PKNOX2: variants seen among roughly 807,000 people sequenced by gnomAD.
The protein encoded by PKNOX2 is PBX/knotted 1 homeobox 2, also known as homeobox protein PKNOX2.
Under a neutral mutation model 53.1 loss-of-function variants are expected in PKNOX2, and 14 were observed. The observed-to-expected ratio is 0.26, with a 90% CI of 0.17 to 0.41. The LOEUF is 0.41. Ranked by LOEUF, PKNOX2 falls within the 10% of genes least tolerant of loss-of-function variation. The pLI is 1.00. For missense variants in PKNOX2, 496 were observed against 602.8 expected (o/e 0.82, Z 1.85); for synonymous variants, 257 against 242.8 (o/e 1.06, Z -0.54).
chr11:125,388,399 T>C (rs922131540), intron 6 of PKNOX2, among the ~76,000 whole-genome samples: 4 of 152,110 alleles, frequency 2.6e-5, no homozygotes, highest in African/African-American at 7.2e-5. Flanking sequence ...CGGACAGATA[T>C]ACTGCGCAGC....
At chr11:125,197,431 G>T (rs1341442603) in intron 1 of PKNOX2, among the ~76,000 whole-genome samples, 16 of 152,176 alleles carry the variant, frequency 1.1e-4, no homozygotes, top group Admixed American at 1.0e-3. Flanking sequence ...CCCCTACCCT[G>T]AGTGGGGATC....
intron 5 of PKNOX2, among the ~76,000 whole-genome samples, chr11:125,378,048 A>G (rs1023824757): frequency 6.6e-6 from 1 of 152,238 alleles, no homozygotes; most frequent in African/African-American, 2.4e-5. Context: ...CATCTGCGGT[A>G]AACAGATGCC....
intron 2 of PKNOX2, among the ~76,000 whole-genome samples, chr11:125,326,667 C>T (rs1200522207): frequency 6.6e-6 from 1 of 152,100 alleles, no homozygotes; most frequent in Non-Finnish European, 1.5e-5. Context: ...TGAGCCTTTC[C>T]CTGGGATGAC....
chr11:125,361,668 C>A (rs1248913231), intron 4 of PKNOX2, among the ~76,000 whole-genome samples: 2 of 152,172 alleles, frequency 1.3e-5, no homozygotes, highest in Non-Finnish European at 2.9e-5. Flanking sequence ...CCCATTAACT[C>A]ATCATTTACA....
chr11:125,169,775 G>C (rs1955146343), intron 1 of PKNOX2, among the ~76,000 whole-genome samples: 1 of 152,202 alleles, frequency 6.6e-6, no homozygotes, highest in Non-Finnish European at 1.5e-5. Context: ...CCTGGCTCCA[G>C]GGCCTTCCCC....
At chr11:125,430,677 A>C (rs540238711) in intron 12 of PKNOX2, among the ~76,000 whole-genome samples, 1 of 152,148 alleles carries the variant, frequency 6.6e-6, no homozygotes, top group Non-Finnish European at 1.5e-5. Context: ...GCGTGTGTGC[A>C]CACATAACCT....
chr11:125,312,191 G>GGTGGA (rs1948849162), intron 2 of PKNOX2, among the ~76,000 whole-genome samples: 1 of 152,204 alleles, frequency 6.6e-6, no homozygotes, highest in South Asian at 2.1e-4. Context: ...CTTTGTAAGG[G>GGTGGA]GTGGAGTGCT....
chr11:125,205,473 T>G (rs1269367052), intron 1 of PKNOX2, among the ~76,000 whole-genome samples: 1 of 152,260 alleles, frequency 6.6e-6, no homozygotes. Flanking sequence ...GCATACTTTG[T>G]GGCCTCTGTT....
Position 125,377,102 on chromosome 11 carries a change from G to A in PKNOX2, c.228-8449G>A, listed in dbSNP as rs565111762. 1.5e-3 allele frequency among the ~76,000 whole-genome samples: 221 copies of A among 152,338 alleles called. 3 individuals carry two copies. Among genetic ancestry groups the A allele is most frequent in the South Asian group, 0.012 (58 of 4,826 alleles). ...TGAATTTAAAAAGTGCCCACGCACCGTTCCAGGGAAATGGAGCAGGCATTA... is the reference window on the plus strand; with the variant it reads ...TGAATTTAAAAAGTGCCCACGCACCATTCCAGGGAAATGGAGCAGGCATTA... On this transcript the variant is annotated intron_variant, in intron 5 of 12. Transcript: ENST00000298282.
At chr11:125,244,315 G>T (rs1943395635) in intron 2 of PKNOX2, among the ~76,000 whole-genome samples, 1 of 152,244 alleles carries the variant, frequency 6.6e-6, no homozygotes, top group African/African-American at 2.4e-5. Context: ...ACATGCTGGA[G>T]CTGCGTCCTG....
chr11:125,364,455 C>T (rs1009946823), intron 4 of PKNOX2, among the ~76,000 whole-genome samples: 1 of 152,172 alleles, frequency 6.6e-6, no homozygotes, highest in African/African-American at 2.4e-5. Flanking sequence ...GGGCCTTCCC[C>T]CCACACCTTT....
chr11:125,265,779 G>A (rs965263494), intron 2 of PKNOX2, among the ~76,000 whole-genome samples: 2 of 152,190 alleles, frequency 1.3e-5, no homozygotes, highest in Admixed American at 6.5e-5. Flanking sequence ...AGAGCAAGGA[G>A]AGAAGAAAAT....
chr11:125,230,547 C>T (rs902567032), intron 1 of PKNOX2, among the ~76,000 whole-genome samples: 11 of 152,132 alleles, frequency 7.2e-5, no homozygotes, highest in Non-Finnish European at 1.6e-4. Context: ...GGAAGGTTGG[C>T]TTATAGGCCT....
At chr11:125,254,185 C>T (rs761926024) in intron 2 of PKNOX2, among the ~76,000 whole-genome samples, 1 of 152,204 alleles carries the variant, frequency 6.6e-6, no homozygotes, top group Non-Finnish European at 1.5e-5. Flanking sequence ...GGGCAATTTC[C>T]GAACCGCTTT....
chr11:125,225,315 T>C (rs1941594944), intron 1 of PKNOX2, among the ~76,000 whole-genome samples: 1 of 152,218 alleles, frequency 6.6e-6, no homozygotes, highest in East Asian at 1.9e-4. Context: ...GAATTGCTGT[T>C]CGTCATTGAC....
chr11:125,237,417 T>C (rs1020508833), intron 2 of PKNOX2, among the ~76,000 whole-genome samples: 3 of 152,126 alleles, frequency 2.0e-5, no homozygotes, highest in African/African-American at 7.2e-5. Context: ...CAACATCACA[T>C]TGAAAGAACA....
intron 2 of PKNOX2, among the ~76,000 whole-genome samples, chr11:125,296,176 C>CTT (rs1226557092): frequency 2.6e-5 from 4 of 151,614 alleles, no homozygotes; most frequent in Admixed American, 1.3e-4. Flanking sequence ...TCTTCTCAGC[C>CTT]TTTTTTTTTC....
chr11:125,238,568 C>G (rs1275833078), intron 2 of PKNOX2, among the ~76,000 whole-genome samples: 2 of 152,196 alleles, frequency 1.3e-5, no homozygotes, highest in Non-Finnish European at 2.9e-5. Context: ...ACTCAGTTGA[C>G]TCCTCTGTAA....
chr11:125,381,336 C>G (rs1185561400), intron 5 of PKNOX2, among the ~76,000 whole-genome samples: 1 of 151,950 alleles, frequency 6.6e-6, no homozygotes, highest in Non-Finnish European at 1.5e-5. Flanking sequence ...CTGACAGTAC[C>G]CTGCCCTCCA....
Sources: allele counts gnomAD v4.1 joint callset (sites outside exome capture counted in the v4.1 genomes callset), GRCh38; gene constraint gnomAD v4.1.1; transcripts MANE v1.5; gene names NCBI Gene and HGNC (gene_info 2026-07-23, HGNC 2026-07-21).